The following KIAA1671 variants were observed in gnomAD, a reference collection of about 807,000 sequenced individuals.
KIAA1671 encodes KIAA1671.
A neutral mutation model predicts 131.2 loss-of-function variants in KIAA1671; 52 were observed. The observed-to-expected ratio is 0.40, with a 90% CI of 0.32 to 0.50. The LOEUF is 0.50. KIAA1671 is among the 20% of genes least tolerant of loss of function. KIAA1671 has a pLI of 0.73. For missense variants in KIAA1671, 2,360 were observed against 2,364.2 expected (o/e 1.00, Z 0.04); for synonymous variants, 1,003 against 961.6 (o/e 1.04, Z -0.80).
At chr22:25,079,786 G>T (rs929524442) in intron 6 of KIAA1671, among the ~76,000 whole-genome samples, 6 of 152,076 alleles carry the variant, frequency 3.9e-5, no homozygotes, top group Admixed American at 3.9e-4. Flanking sequence ...TCGTGCTTGG[G>T]GACACCAGAG....
At position 25,029,493 on chromosome 22, in the gene KIAA1671, G is replaced by A. The variant is rs1405672980; in HGVS notation, c.1494G>A (p.Arg498=). 3.9e-6 allele frequency: 6 copies of A among 1,550,300 alleles called. No individual in the cohort carries two copies. In the African/African-American group the frequency reaches 5.5e-5, roughly 14 times the overall value. Residue 498 remains arginine (R), a synonymous_variant, in exon 3 of 13, where the codon AGG becomes AGA. Coordinates refer to ENST00000358431, the MANE Select transcript of KIAA1671 (RefSeq NM_001145206.2). ...GCTCAGAGGCTAAGCCCGAGGTCAG[G>A]AGGAGGACGTTCCAGGCTCGGCCGC... The part of the protein sequence containing the change: ...AESSEAKPEV[R]RRTFQARPLS...
chr22:25,008,194 TCG>T (rs1176928805), intron 1 of KIAA1671, among the ~76,000 whole-genome samples: 1 of 41,516 alleles, frequency 2.4e-5, no homozygotes, highest in African/African-American at 1.0e-4. Context: ...TGAGACTCCG[TCG>T]CAAAAAAAAA....
intron 1 of KIAA1671, among the ~76,000 whole-genome samples, chr22:25,017,956 C>CT (rs1925423964): frequency 6.6e-6 from 1 of 152,058 alleles, no homozygotes; most frequent in African/African-American, 2.4e-5. Flanking sequence ...TGCTTGCGCT[C>CT]TAATAACCAT....
At chr22:25,071,245 G>A (rs1218177058) in intron 6 of KIAA1671, among the ~76,000 whole-genome samples, 3 of 152,230 alleles carry the variant, frequency 2.0e-5, no homozygotes, top group Non-Finnish European at 4.4e-5. Flanking sequence ...ACACCCAAAA[G>A]GGAAAGTCTT....
chr22:25,057,976 C>T (rs1927947288), intron 6 of KIAA1671: 1 of 152,148 alleles, frequency 6.6e-6, no homozygotes, highest in African/African-American at 2.4e-5. Context: ...TCCTAGCACC[C>T]TGTGGCAGAC....
chr22:24,992,814 C>CAAAAAA (rs761181079), intron 1 of KIAA1671, among the ~76,000 whole-genome samples: 1,377 of 57,336 alleles, frequency 0.024, 232 homozygotes, highest in African/African-American at 0.057. Context: ...GACTCCGTCT[C>CAAAAAA]AAAAAAAAAA....
intron 5 of KIAA1671, among the ~76,000 whole-genome samples, chr22:25,046,243 A>T (rs1602096072): frequency 6.6e-6 from 1 of 152,252 alleles, no homozygotes; most frequent in East Asian, 1.9e-4. Flanking sequence ...CGGAGATTGT[A>T]GTGAGCGGAG....
At chr22:25,158,996 G>A (rs1025097137) in intron 6 of KIAA1671, among the ~76,000 whole-genome samples, 3 of 152,146 alleles carry the variant, frequency 2.0e-5, no homozygotes, top group African/African-American at 7.2e-5. Context: ...GTTTGTGGCT[G>A]TTACTATTCT....
intron 6 of KIAA1671, chr22:25,049,604 C>A: frequency 6.5e-6 from 3 of 462,300 alleles, no homozygotes; most frequent in South Asian, 8.4e-5. Context: ...CCCAGCACTG[C>A]CTGGCATGGA....
At chr22:25,006,196 T>G (rs889895396) in intron 1 of KIAA1671, among the ~76,000 whole-genome samples, 1 of 151,976 alleles carries the variant, frequency 6.6e-6, no homozygotes, top group African/African-American at 2.4e-5. Flanking sequence ...CATGCCTGGC[T>G]AGTTTTTTGT....
intron 1 of KIAA1671, among the ~76,000 whole-genome samples, chr22:24,954,166 T>C (rs565381456): frequency 5.9e-5 from 9 of 152,308 alleles, no homozygotes; most frequent in Non-Finnish European, 4.4e-5. Flanking sequence ...TTAACCTTTC[T>C]TCCAAATGGG....
At chr22:24,968,202 G>A (rs1231062805) in intron 1 of KIAA1671, among the ~76,000 whole-genome samples, 1 of 152,172 alleles carries the variant, frequency 6.6e-6, no homozygotes, top group East Asian at 1.9e-4. Context: ...TAGGGAAGGG[G>A]GGCGGCGGGG....
chr22:25,092,115 G>A (rs1930055193), intron 6 of KIAA1671, among the ~76,000 whole-genome samples: 1 of 152,160 alleles, frequency 6.6e-6, no homozygotes, highest in Admixed American at 6.6e-5. Flanking sequence ...GGCTGAGTGT[G>A]TGTTCTAGTG....
chr22:25,007,500 A>AG (rs1342407167), intron 1 of KIAA1671, among the ~76,000 whole-genome samples: 1 of 151,788 alleles, frequency 6.6e-6, no homozygotes, highest in Admixed American at 6.6e-5. Context: ...GCAAGGGAAA[A>AG]AAAAAAAAAA....
chr22:25,049,690 G>A (rs758454140), intron 6 of KIAA1671: 1 of 245,970 alleles, frequency 4.1e-6, no homozygotes, highest in Non-Finnish European at 7.8e-6. Flanking sequence ...CAACCTCTTT[G>A]AGATTTTGAG....
chr22:25,109,768 T>C (rs1355576271), intron 6 of KIAA1671, among the ~76,000 whole-genome samples: 2 of 152,238 alleles, frequency 1.3e-5, no homozygotes, highest in African/African-American at 2.4e-5. Flanking sequence ...TTAATCTCTA[T>C]GCAGTGCCTG....
At chr22:24,998,645 G>C (rs1367931840) in intron 1 of KIAA1671, among the ~76,000 whole-genome samples, 1 of 150,310 alleles carries the variant, frequency 6.7e-6, no homozygotes, top group East Asian at 2.0e-4. Context: ...ATGAACCCAG[G>C]AGGCGGAGCT....
intron 1 of KIAA1671, among the ~76,000 whole-genome samples, chr22:24,986,130 T>C (rs1602045740): frequency 6.6e-6 from 1 of 152,280 alleles, no homozygotes; most frequent in African/African-American, 2.4e-5. Flanking sequence ...TCTGGGCTCA[T>C]GGAATGTCAA....
intron 7 of KIAA1671, among the ~76,000 whole-genome samples, chr22:25,173,438 G>A (rs544387576): frequency 9.0e-4 from 137 of 152,298 alleles, no homozygotes; most frequent in African/African-American, 3.1e-3. Context: ...GAATGAATAA[G>A]TGAATGAAAT....
Sources: allele counts gnomAD v4.1 joint callset (sites outside exome capture counted in the v4.1 genomes callset), GRCh38; gene constraint gnomAD v4.1.1; transcripts MANE v1.5; gene names NCBI Gene and HGNC (gene_info 2026-07-23, HGNC 2026-07-21).